The following UBE2R2 variants were observed in gnomAD, a reference collection of about 807,000 sequenced individuals.
UBE2R2 encodes the protein ubiquitin conjugating enzyme E2 R2.
In UBE2R2, 1 loss-of-function variant was observed where a neutral mutation model predicts 27.8. The observed-to-expected ratio is 0.04, with a 90% CI of 0.01 to 0.17. The LOEUF is 0.17. UBE2R2 is among the 10% of genes least tolerant of loss of function. The pLI, the probability that UBE2R2 is intolerant of heterozygous loss-of-function variation, is 1.00. For synonymous variants in UBE2R2, 106 were observed against 113.3 expected (o/e 0.94, Z 0.41); for missense variants, 100 against 291.0 (o/e 0.34, Z 4.78).
chr9:33,851,851 GT>G (rs1433490215), intron 1 of UBE2R2, among the ~76,000 whole-genome samples: 2 of 151,948 alleles, frequency 1.3e-5, no homozygotes, highest in Non-Finnish European at 2.9e-5. Flanking sequence ...CATAAAGTGT[GT>G]TTTACATGCA....
intron 1 of UBE2R2, among the ~76,000 whole-genome samples, chr9:33,860,169 G>A (rs1821198312): frequency 6.6e-6 from 1 of 151,784 alleles, no homozygotes; most frequent in Non-Finnish European, 1.5e-5. Flanking sequence ...TTATGTAAAA[G>A]GAAGTTCTTT....
At chr9:33,916,967 G>C (rs1388322253) in intron 4 of UBE2R2, 51 bp from the exon 5 acceptor site, 1 of 1,599,508 alleles carries the variant, frequency 6.3e-7, no homozygotes, top group Non-Finnish European at 8.5e-7. Context: ...TTATAAATCT[G>C]TCTTAAAAAA....
At chr9:33,889,370 C>A (rs902899211) in intron 2 of UBE2R2, among the ~76,000 whole-genome samples, 10 of 151,434 alleles carry the variant, frequency 6.6e-5, no homozygotes, top group African/African-American at 2.4e-4. Flanking sequence ...TTGCCTCTTT[C>A]TTTTTTTTTA....
chr9:33,913,282 C>T (rs1822536070), intron 4 of UBE2R2, among the ~76,000 whole-genome samples: 1 of 152,134 alleles, frequency 6.6e-6, no homozygotes, highest in South Asian at 2.1e-4. Flanking sequence ...TTTAAAGAAA[C>T]AGACATGGTC....
intron 1 of UBE2R2, among the ~76,000 whole-genome samples, chr9:33,872,346 T>A (rs1228138799): frequency 6.6e-6 from 1 of 151,856 alleles, no homozygotes; most frequent in African/African-American, 2.4e-5. Context: ...TGAGCTGTGA[T>A]CATGCCATGG....
At chr9:33,900,640 T>C (rs1822222543) in intron 3 of UBE2R2, among the ~76,000 whole-genome samples, 1 of 152,168 alleles carries the variant, frequency 6.6e-6, no homozygotes, top group Non-Finnish European at 1.5e-5. Flanking sequence ...GTCCATACGC[T>C]TTCACATTTC....
intron 1 of UBE2R2, among the ~76,000 whole-genome samples, chr9:33,865,184 G>GTC (rs756129346): frequency 4.0e-5 from 6 of 149,052 alleles, no homozygotes; most frequent in East Asian, 2.0e-4. Context: ...CTGTCTCTCT[G>GTC]TCTCTCTCTC....
chr9:33,888,755 A>C (rs2250083), intron 2 of UBE2R2, among the ~76,000 whole-genome samples: 1 of 151,968 alleles, frequency 6.6e-6, no homozygotes, highest in African/African-American at 2.4e-5. Flanking sequence ...GACCCCAAGT[A>C]ATCCACCTGC....
At chr9:33,912,845 C>T (rs1412255021) in intron 4 of UBE2R2, among the ~76,000 whole-genome samples, 1 of 152,122 alleles carries the variant, frequency 6.6e-6, no homozygotes, top group Non-Finnish European at 1.5e-5. Context: ...TGGAAAAAAG[C>T]TTAACCTTTA....
At position 33,817,649 on chromosome 9, in the gene UBE2R2, C is replaced by T. The variant is rs1334406335; in HGVS notation, c.-109C>T. On this transcript the variant is annotated 5_prime_UTR_variant, in exon 1 of 5. Coordinates refer to ENST00000263228, the MANE Select transcript of UBE2R2 (RefSeq NM_017811.4). ...CGCCGGGTGTGTGAAGACCGGGGCC[C>T]GGTGCTGCCCGGCCGGAGGGCGAGC... 1 of 1,131,728 alleles carries T rather than the reference C, an allele frequency of 8.8e-7. No homozygotes were observed. Among genetic ancestry groups the T allele is most frequent in the Non-Finnish European group, 1.1e-6 (1 of 925,368 alleles). 70.1% of individuals were successfully genotyped at this position (1,131,728 alleles called of 1,614,324 possible).
intron 1 of UBE2R2, among the ~76,000 whole-genome samples, chr9:33,847,617 C>T (rs907152310): frequency 6.6e-6 from 1 of 151,766 alleles, no homozygotes; most frequent in Non-Finnish European, 1.5e-5. Flanking sequence ...AATATTGCTG[C>T]TTCATTCTCT....
rs192540542 is a variant in UBE2R2 at position 33,850,750 on chromosome 9, G to T, written c.177+32816G>T. On this transcript the variant is annotated intron_variant, in intron 1 of 4. Transcript: ENST00000263228. ...ATATATAGTTTTAAGAGTAACATGT[G>T]GTGTAAGACTTACAATAAGGAACAA... is the stretch of plus-strand genomic sequence containing the variant. Among the ~76,000 whole-genome samples the T allele has an allele frequency of 3.9e-5, 6 of 152,214 alleles. No individual in the cohort carries two copies. In the East Asian group the frequency reaches 1.2e-3, roughly 29 times the overall value.
intron 2 of UBE2R2, among the ~76,000 whole-genome samples, chr9:33,887,615 G>C (rs1305853362): frequency 6.6e-6 from 1 of 151,984 alleles, no homozygotes; most frequent in African/African-American, 2.4e-5. Flanking sequence ...TTTCCTTTGA[G>C]GCTACTCTTC....
intron 3 of UBE2R2, among the ~76,000 whole-genome samples, chr9:33,905,970 T>A (rs1822344011): frequency 6.6e-6 from 1 of 152,214 alleles, no homozygotes; most frequent in Non-Finnish European, 1.5e-5. Flanking sequence ...CACATTACGC[T>A]GGGTCTATAA....
chr9:33,841,311 C>T (rs1820728505), intron 1 of UBE2R2, among the ~76,000 whole-genome samples: 1 of 152,132 alleles, frequency 6.6e-6, no homozygotes. Flanking sequence ...AACTCCTGAC[C>T]TCAGGTGTTC....
At chr9:33,855,489 A>G (rs1305787292) in intron 1 of UBE2R2, among the ~76,000 whole-genome samples, 2 of 151,976 alleles carry the variant, frequency 1.3e-5, no homozygotes, top group African/African-American at 4.8e-5. Flanking sequence ...GTTTTCAGCT[A>G]CTCTGTTTGG....
chr9:33,886,864 AT>A lies in UBE2R2; in HGVS notation c.178-9del, dbSNP rs770387182. The A allele has an allele frequency of 1.5e-5, 23 of 1,564,718 alleles. No homozygotes were observed. The highest frequency in any genetic ancestry group is 1.1e-4 in the Admixed American group (5 of 46,670). On this transcript the variant is annotated splice_polypyrimidine_tract_variant and intron_variant, in intron 1 of 4. Transcript: ENST00000263228. ...TTATAGTCTCATTTATTAGCATTTC[AT>A]TTTTTTTCTTTTCAGGCGCATATTA...
rs1423709828 is a variant in UBE2R2, at chr9:33,896,961, T to G, written c.265-3213T>G. 7.9e-5 allele frequency among the ~76,000 whole-genome samples: 12 copies of G among 151,518 alleles called. No individual in the cohort carries two copies. The East Asian group carries it at 1.4e-3, about 17-fold the overall frequency. ...AAGGTTGTGTTTTTTGTGTTTTTTT[T>G]TTGTTGTTTGTTTTTTTAATATATA... On this transcript the variant is annotated intron_variant, in intron 2 of 4. Coordinates refer to ENST00000263228, the MANE Select transcript of UBE2R2 (RefSeq NM_017811.4).
Position 33,831,632 on chromosome 9 carries a change from G to A in UBE2R2, c.177+13698G>A, listed in dbSNP as rs183203650. 4.7e-4 allele frequency among the ~76,000 whole-genome samples: 71 copies of A among 152,084 alleles called. No individual in the cohort carries two copies. The Middle Eastern group carries it at 0.014, about 29-fold the overall frequency. The stretch of plus-strand genomic sequence containing the variant: ...GGGTTTCACCATGTTGGCCAGGCAG[G>A]TCTCGAACTCTTATTTTATTTATTT... On this transcript the variant is annotated intron_variant, in intron 1 of 4. Transcript: ENST00000263228.
Sources: gnomAD v4.1 joint callset for allele counts (sites outside exome capture counted in the v4.1 genomes callset) on GRCh38, gnomAD v4.1.1 for gene constraint, MANE v1.5 for transcripts, NCBI Gene and HGNC (gene_info 2026-07-23, HGNC 2026-07-21) for gene names.